The following FSTL4 variants were observed in gnomAD, a reference collection of about 807,000 sequenced individuals.
FSTL4 encodes follistatin-related protein 4.
A neutral mutation model predicts 78.2 loss-of-function variants in FSTL4; 28 were observed. The ratio of observed to expected loss-of-function variants is 0.36; its 90% CI spans 0.27 to 0.49. The LOEUF (loss-of-function observed/expected upper bound fraction) is 0.49. Ranked by LOEUF, FSTL4 falls within the 20% of genes least tolerant of loss-of-function variation. The pLI is 0.98. For synonymous variants in FSTL4, 422 were observed against 440.5 expected, an observed-to-expected ratio of 0.96 and a Z score of 0.53; for missense variants, 922 against 1,084.9, an observed-to-expected ratio of 0.85 and a Z score of 2.11.
At chr5:133,296,045 C>T (rs1278276836) in intron 6 of FSTL4, among the ~76,000 whole-genome samples, 1 of 152,208 alleles carries the variant, frequency 6.6e-6, no homozygotes, top group African/African-American at 2.4e-5. Context: ...CTGATAGCAT[C>T]TCAAACTCAG....
intron 6 of FSTL4, among the ~76,000 whole-genome samples, chr5:133,279,390 C>T (rs760370328): frequency 9.2e-5 from 14 of 152,228 alleles, no homozygotes; most frequent in South Asian, 2.1e-4. Context: ...CCGAAACCAT[C>T]TCTGTTCTGC....
intron 4 of FSTL4, among the ~76,000 whole-genome samples, chr5:133,355,967 C>T (rs34204375): frequency 0.16 from 24,943 of 151,936 alleles, 2,307 homozygotes; most frequent in East Asian, 0.36. Context: ...CCTCGCATGG[C>T]TAGTGTTTTA....
At chr5:133,422,853 AT>A (rs1186388806) in intron 3 of FSTL4, among the ~76,000 whole-genome samples, 1 of 152,278 alleles carries the variant, frequency 6.6e-6, no homozygotes, top group Non-Finnish European at 1.5e-5. Flanking sequence ...TAATTGGGTC[AT>A]TCAGACCACT....
intron 4 of FSTL4, among the ~76,000 whole-genome samples, chr5:133,332,951 A>G (rs1186750954): frequency 6.6e-6 from 1 of 152,212 alleles, no homozygotes; most frequent in East Asian, 1.9e-4. Context: ...GCTCAGGTGC[A>G]GAGAGGACAC....
In FSTL4 at chr5:133,205,492, A is replaced by ATGTT. The variant is rs1359117636; in HGVS notation, c.1717-3454_1717-3451dup. 3.3e-5 allele frequency among the ~76,000 whole-genome samples: 5 copies of ATGTT among 152,204 alleles called. No individual in the cohort carries two copies. The East Asian group carries it at 5.8e-4, about 18-fold the overall frequency. ...CCTTGCATAATATTCCTGGATTTGT[A>ATGTT]TGTTAGACAAGGACATGGGTCCAAG... is the stretch of plus-strand genomic sequence containing the variant. On this transcript the variant is annotated intron_variant, in intron 14 of 15. Transcript: ENST00000265342.
chr5:133,799,032 G>A, the FSTL4 span, among the ~76,000 whole-genome samples: 1 of 91,754 alleles, frequency 1.1e-5, no homozygotes, highest in Non-Finnish European at 2.6e-5. Flanking sequence ...TAGAGGGGAG[G>A]AGAGAGGGAG....
At chr5:133,394,653 C>T (rs559573582) in intron 4 of FSTL4, among the ~76,000 whole-genome samples, 69 of 152,306 alleles carry the variant, frequency 4.5e-4, no homozygotes, top group Non-Finnish European at 6.2e-4. Context: ...TGGGCTCCTG[C>T]GTGGCCCGAG....
chr5:133,298,444 C>A (rs1416369716), intron 6 of FSTL4, among the ~76,000 whole-genome samples: 1 of 152,196 alleles, frequency 6.6e-6, no homozygotes, highest in African/African-American at 2.4e-5. Context: ...AACTTGCAGA[C>A]AGGATGACAG....
At chr5:133,700,635 T>C in the FSTL4 span, among the ~76,000 whole-genome samples, 1 of 152,228 alleles carries the variant, frequency 6.6e-6, no homozygotes, top group Non-Finnish European at 1.5e-5. Flanking sequence ...CCAAACCTAC[T>C]GCAAACAGCC....
intron 5 of FSTL4, among the ~76,000 whole-genome samples, chr5:133,315,896 C>T (rs556530503): frequency 6.6e-6 from 1 of 152,302 alleles, no homozygotes; most frequent in East Asian, 1.9e-4. Context: ...CCTTGTAGCT[C>T]GACAAAGGAC....
At chr5:133,631,809 T>C in the FSTL4 span, among the ~76,000 whole-genome samples, 1 of 152,212 alleles carries the variant, frequency 6.6e-6, no homozygotes, top group South Asian at 2.1e-4. Context: ...CATGGATTAC[T>C]ATGCAGCCAT....
chr5:133,239,304 G>A lies in FSTL4; in HGVS notation c.895-5767C>T, dbSNP rs562836678. ...AGAAGAGCACTGCTCCCTGCTCCAG[G>A]GCGCCCAGTCCCATCAACCACCCAA... is the stretch of plus-strand genomic sequence containing the variant. On this transcript the variant is annotated intron_variant, in intron 7 of 15. Transcript: ENST00000265342. 2.0e-5 allele frequency among the ~76,000 whole-genome samples: 3 copies of A among 151,440 alleles called. No individual in the cohort carries two copies. In the South Asian group the frequency reaches 6.3e-4, roughly 32 times the overall value.
At chr5:133,373,896 T>G (rs1020639520) in intron 4 of FSTL4, among the ~76,000 whole-genome samples, 12 of 152,192 alleles carry the variant, frequency 7.9e-5, no homozygotes, top group Non-Finnish European at 1.5e-5. Flanking sequence ...GTCACAGAGC[T>G]TCAGAGTTAT....
chr5:133,327,867 A>G (rs1162378407), intron 4 of FSTL4, among the ~76,000 whole-genome samples: 1 of 152,242 alleles, frequency 6.6e-6, no homozygotes, highest in Non-Finnish European at 1.5e-5. Flanking sequence ...TCTAGCATCC[A>G]GGGACTGGCT....
intron 4 of FSTL4, among the ~76,000 whole-genome samples, chr5:133,325,481 G>A (rs1754187282): frequency 6.6e-6 from 1 of 152,170 alleles, no homozygotes; most frequent in Non-Finnish European, 1.5e-5. Context: ...ACTGGAGAGG[G>A]GAACGCAGGA....
At chr5:133,616,717 C>T (rs1761206510), upstream of FSTL4, among the ~76,000 whole-genome samples, 2 of 152,036 alleles carry the variant, frequency 1.3e-5, no homozygotes, top group African/African-American at 4.8e-5. Flanking sequence ...TTCCATTCTT[C>T]TAAATAAACG....
intron 3 of FSTL4, among the ~76,000 whole-genome samples, chr5:133,519,271 A>G (rs1018198160): frequency 1.3e-5 from 2 of 152,228 alleles, no homozygotes; most frequent in African/African-American, 4.8e-5. Flanking sequence ...CTTCTCTTCT[A>G]TAAGCTGGAA....
intron 6 of FSTL4, among the ~76,000 whole-genome samples, chr5:133,255,054 C>G (rs1182738932): frequency 6.6e-6 from 1 of 152,212 alleles, no homozygotes; most frequent in Admixed American, 6.5e-5. Flanking sequence ...TCCAATGCCC[C>G]TGTGTTGACT....
intron 4 of FSTL4, among the ~76,000 whole-genome samples, chr5:133,350,192 A>G (rs1290684812): frequency 1.3e-5 from 2 of 152,222 alleles, no homozygotes. Context: ...AAGGACCCAT[A>G]GGATGGACTT....
Sources: gnomAD v4.1 joint callset for allele counts (sites outside exome capture counted in the v4.1 genomes callset) on GRCh38, gnomAD v4.1.1 for gene constraint, MANE v1.5 for transcripts, NCBI Gene and HGNC (gene_info 2026-07-23, HGNC 2026-07-21) for gene names.